The following PTPRT variants were observed in gnomAD, a reference collection of about 807,000 sequenced individuals.
PTPRT encodes protein tyrosine phosphatase receptor type T.
A neutral mutation model predicts 176.8 loss-of-function variants in PTPRT; 56 were observed. That is an observed-to-expected ratio of 0.32 (90% CI 0.26 to 0.40). The LOEUF (loss-of-function observed/expected upper bound fraction) is 0.40. Ranked by LOEUF, PTPRT falls within the 10% of genes least tolerant of loss-of-function variation. PTPRT has a pLI of 1.00. For missense variants in PTPRT, 1,540 were observed against 1,908.2 expected, an observed-to-expected ratio of 0.81 and a Z score of 3.60; for synonymous variants, 783 against 739.0, an observed-to-expected ratio of 1.06 and a Z score of -0.96.
At chr20:42,537,777 T>A (rs1242940667) in intron 7 of PTPRT, among the ~76,000 whole-genome samples, 1 of 152,158 alleles carries the variant, frequency 6.6e-6, no homozygotes, top group Non-Finnish European at 1.5e-5. Flanking sequence ...CAGAGCAACA[T>A]GTACTTACAA....
chr20:43,097,925 T>C (rs1403966632), intron 1 of PTPRT, among the ~76,000 whole-genome samples: 2 of 152,140 alleles, frequency 1.3e-5, no homozygotes, highest in African/African-American at 4.8e-5. Flanking sequence ...TTAATATGGA[T>C]GCAAGATGCA....
At chr20:42,098,597 G>A in intron 26 of PTPRT, 45 bp from the exon 27 acceptor site, 4 of 1,610,348 alleles carry the variant, frequency 2.5e-6, no homozygotes, top group Non-Finnish European at 2.5e-6. Context: ...ACATCCATCA[G>A]TGATATTCTG....
intron 6 of PTPRT, among the ~76,000 whole-genome samples, chr20:42,697,253 TG>T (rs2075894738): frequency 6.6e-6 from 1 of 152,224 alleles, no homozygotes; most frequent in East Asian, 1.9e-4. Flanking sequence ...TGGCTGAATC[TG>T]TTTCAGATAA....
chr20:42,439,853 G>A (rs2059296311), intron 9 of PTPRT, among the ~76,000 whole-genome samples: 1 of 152,126 alleles, frequency 6.6e-6, no homozygotes, highest in African/African-American at 2.4e-5. Flanking sequence ...CAGGTAACTA[G>A]ACGCCTATTT....
At chr20:42,201,350 C>T (rs888994762) in intron 15 of PTPRT, among the ~76,000 whole-genome samples, 2 of 152,102 alleles carry the variant, frequency 1.3e-5, no homozygotes, top group African/African-American at 4.8e-5. Flanking sequence ...CAAACCTCAG[C>T]TTAGAAGTGT....
intron 9 of PTPRT, among the ~76,000 whole-genome samples, chr20:42,379,085 C>T (rs1489215678): frequency 6.6e-6 from 1 of 152,200 alleles, no homozygotes; most frequent in African/African-American, 2.4e-5. Flanking sequence ...TAAGCCTTTG[C>T]TTCTGCCTTC....
intron 1 of PTPRT, among the ~76,000 whole-genome samples, chr20:43,161,090 G>A (rs965792709): frequency 6.6e-6 from 1 of 152,166 alleles, no homozygotes; most frequent in Non-Finnish European, 1.5e-5. Context: ...TATACTAATG[G>A]AAGGATGAGA....
intron 17 of PTPRT, among the ~76,000 whole-genome samples, chr20:42,143,926 C>A (rs761385831): frequency 7.2e-5 from 11 of 152,216 alleles, no homozygotes; most frequent in Non-Finnish European, 1.5e-4. Context: ...GGGGTAGTTA[C>A]TGATCAATTC....
chr20:42,325,688 C>T (rs1030115039), intron 11 of PTPRT, among the ~76,000 whole-genome samples: 2 of 152,164 alleles, frequency 1.3e-5, no homozygotes, highest in African/African-American at 4.8e-5. Context: ...AATTTATTCT[C>T]AAAACAGTGG....
intron 1 of PTPRT, among the ~76,000 whole-genome samples, chr20:42,966,826 C>G (rs1982322869): frequency 6.6e-6 from 1 of 152,212 alleles, no homozygotes. Context: ...GAAATTTCTT[C>G]AGAAAATACA....
At chr20:42,915,152 G>T (rs536443548) in intron 1 of PTPRT, among the ~76,000 whole-genome samples, 8 of 152,360 alleles carry the variant, frequency 5.3e-5, no homozygotes, top group Non-Finnish European at 7.4e-5. Context: ...AGAGCAAAGA[G>T]AAAATCACTC....
chr20:42,922,621 C>T (rs1056386472), intron 1 of PTPRT, among the ~76,000 whole-genome samples: 2 of 152,198 alleles, frequency 1.3e-5, no homozygotes, highest in Non-Finnish European at 2.9e-5. Context: ...ACACCACTAA[C>T]AGTTACTTCA....
chr20:42,086,413 T>G (rs888753978), intron 27 of PTPRT, among the ~76,000 whole-genome samples: 6 of 152,152 alleles, frequency 3.9e-5, no homozygotes, highest in Non-Finnish European at 7.3e-5. Flanking sequence ...CTATGTTGAT[T>G]TCAAACCATT....
At chr20:42,214,367 G>A (rs73268829) in intron 15 of PTPRT, among the ~76,000 whole-genome samples, 2,181 of 152,230 alleles carry the variant, frequency 0.014, 45 homozygotes, top group African/African-American at 0.051. Flanking sequence ...ATGTCCTGCA[G>A]GCAATGAGCA....
At chr20:42,588,837 G>A (rs548979464) in intron 7 of PTPRT, among the ~76,000 whole-genome samples, 7 of 152,236 alleles carry the variant, frequency 4.6e-5, no homozygotes, top group Admixed American at 2.6e-4. Context: ...TGCTGGGCAC[G>A]GCACTAAACA....
At chr20:42,254,335 A>T (rs2056600415) in intron 13 of PTPRT, among the ~76,000 whole-genome samples, 1 of 152,228 alleles carries the variant, frequency 6.6e-6, no homozygotes, top group East Asian at 1.9e-4. Context: ...TTGGGAGTCT[A>T]TAAAAAATGC....
At chr20:42,097,862 G>T (rs1985421911) in intron 27 of PTPRT, among the ~76,000 whole-genome samples, 1 of 152,208 alleles carries the variant, frequency 6.6e-6, no homozygotes, top group Admixed American at 6.5e-5. Context: ...GGGATATGCT[G>T]TAGGCACGTG....
chr20:42,128,888 T>C (rs1267001282), intron 18 of PTPRT, 58 bp from the exon 19 acceptor site: 2 of 1,427,810 alleles, frequency 1.4e-6, no homozygotes, highest in East Asian at 2.4e-5. Context: ...GCAGCTAATG[T>C]CCTCCTTTAG....
chr20:42,505,318 T>C (rs60020101), intron 7 of PTPRT, among the ~76,000 whole-genome samples: 1 of 152,146 alleles, frequency 6.6e-6, no homozygotes, highest in Non-Finnish European at 1.5e-5. Context: ...TATTGTTATT[T>C]TGAGATGGAG....
Sources: allele counts gnomAD v4.1 joint callset (sites outside exome capture counted in the v4.1 genomes callset), GRCh38; gene constraint gnomAD v4.1.1; transcripts MANE v1.5; gene names NCBI Gene and HGNC (gene_info 2026-07-23, HGNC 2026-07-21).